The following LRRC15 variants were observed in gnomAD, a reference collection of about 807,000 sequenced individuals.
The protein encoded by LRRC15 is leucine-rich repeat-containing protein 15.
In LRRC15, 5 loss-of-function variants were observed where a neutral mutation model predicts 4.3. That is an observed-to-expected ratio of 1.16 (90% CI 0.61 to 2.44). LRRC15 has a LOEUF of 2.44. LRRC15 is among the 30% of genes most tolerant of loss of function. The pLI, the probability that LRRC15 is intolerant of heterozygous loss-of-function variation, is 0.01. For synonymous variants in LRRC15, 337 were observed against 323.2 expected, an observed-to-expected ratio of 1.04 and a Z score of -0.46; for missense variants, 769 against 747.0, an observed-to-expected ratio of 1.03 and a Z score of -0.34.
Position 194,360,253 on chromosome 3 carries a change from A to G in LRRC15, c.791T>C (p.Val264Ala), listed in dbSNP as rs199840768. 111 of 1,613,768 alleles carry G rather than the reference A, an allele frequency of 6.9e-5. 4 individuals are homozygous for G. The highest frequency in any genetic ancestry group is 5.5e-4 in the South Asian group (50 of 91,072). The change falls in exon 2 of 2, where the codon GTC becomes GCC. Residue 264 changes from valine (V) to alanine (A), a missense_variant. By Grantham distance (64) the Val-to-Ala change is moderately conservative. Transcript: ENST00000347624. ...NNHISQLPPS[V>A]FMQLPQLNRL... ...GTTGAGCTGGGGCAGCTGCATGAAG[A>G]CGCTGGGTGGCAGCTGGGAGATGTG...
rs750757157 is a variant in LRRC15, at chr3:194,360,552, G to A, written c.492C>T (p.Ile164=). The A allele has an allele frequency of 9.9e-6, 16 of 1,614,194 alleles. No homozygotes were observed. In the East Asian group the frequency reaches 2.9e-4, roughly 29 times the overall value. Residue 164 remains isoleucine, a synonymous_variant, in exon 2 of 2, where the codon ATC becomes ATT. Transcript: ENST00000347624. ...LQLHGNHLEY[I]PDGAFDHLVG... is the part of the protein sequence containing the mutation. The stretch of plus-strand genomic sequence containing the variant: ...CCAGGTGGTCGAAGGCTCCGTCAGG[G>A]ATGTATTCCAGGTGGTTGCCGTGCA...
chr3:194,360,135 G>A lies in LRRC15; in HGVS notation c.909C>T (p.Asn303=). 1 of 1,614,242 alleles carries A rather than the reference G, an allele frequency of 6.2e-7. No homozygotes were observed. The highest frequency in any genetic ancestry group is 8.5e-7 in the Non-Finnish European group (1 of 1,180,050). ...CATTGTCGGGTAGAGAAGAGATGTG[G>A]TTGTCATAGAGCCAAAGCTCCCGCA... is the stretch of plus-strand genomic sequence containing the variant. ...PNLRELWLYD[N]HISSLPDNVF... is the part of the protein sequence containing the mutation. The change falls in exon 2 of 2, where the codon AAC becomes AAT. Residue 303 remains asparagine, a synonymous_variant. Transcript: ENST00000347624.
At chr3:194,369,609 T>C (rs961602933) in intron 1 of LRRC15, 52 bp downstream of exon 1, 3 of 152,280 alleles carry the variant, frequency 2.0e-5, no homozygotes, top group African/African-American at 4.8e-5. Context: ...GGGAAGGGGC[T>C]GGCCGGGCCC....
intron 1 of LRRC15, among the ~76,000 whole-genome samples, chr3:194,364,960 T>C (rs1015786415): frequency 6.6e-6 from 1 of 152,218 alleles, no homozygotes; most frequent in Non-Finnish European, 1.5e-5. Flanking sequence ...ATTCTCAGCA[T>C]GTGATGCCAG....
chr3:194,360,420 C>T lies in LRRC15; in HGVS notation c.624G>A (p.Arg208=). 6.2e-7 allele frequency: 1 copy of T among 1,614,140 alleles called. No individual in the cohort carries two copies. The highest frequency in any genetic ancestry group is 8.5e-7 in the Non-Finnish European group (1 of 1,180,034). The change falls in exon 2 of 2, where the codon AGG becomes AGA. Residue 208 remains arginine, a synonymous_variant. Transcript: ENST00000347624. The part of the protein sequence containing the change: ...NLQVLRLYEN[R]LTDIPMGTFD... ...AAGTGCCCATGGGGATATCCGTGAG[C>T]CTGTTCTCATACAGCCGGAGGACCT... is the stretch of plus-strand genomic sequence containing the variant.
chr3:194,363,476 G>T, intron 1 of LRRC15: 1 of 604,294 alleles, frequency 1.7e-6, no homozygotes. Flanking sequence ...CAGAAAACAA[G>T]CTGCCTAAAC....
chr3:194,359,193 G>T lies in LRRC15; in HGVS notation c.*105C>A. 1 of 1,088,308 alleles carries T rather than the reference G, an allele frequency of 9.2e-7. No homozygotes were observed. The highest frequency in any genetic ancestry group is 1.3e-6 in the Non-Finnish European group (1 of 761,910). 67.4% of individuals were successfully genotyped at this position (1,088,308 alleles called of 1,614,324 possible). A position where few individuals can be genotyped will look rare whatever the true frequency, so the allele number is the denominator to read the frequency against. ...GCTCACCTTTCTCTGGGGCCAGAAA[G>T]AGCAATCACGGGAAAGCTCCATGGA... On this transcript the variant is annotated 3_prime_UTR_variant, in exon 2 of 2. Coordinates refer to ENST00000347624, the MANE Select transcript of LRRC15 (RefSeq NM_130830.5).
chr3:194,359,213 C>A lies in LRRC15; in HGVS notation c.*85G>T. On this transcript the variant is annotated 3_prime_UTR_variant, in exon 2 of 2. Transcript: ENST00000347624. ...AGAAAGAGCAATCACGGGAAAGCTC[C>A]ATGGACCCAGGGGTGGAGGCAGAAA... 7.6e-7 allele frequency: 1 copy of A among 1,311,330 alleles called. No individual in the cohort carries two copies. The highest frequency in any genetic ancestry group is 1.0e-6 in the Non-Finnish European group (1 of 955,264). 81.2% of individuals were successfully genotyped at this position (1,311,330 alleles called of 1,614,324 possible). A position where few individuals can be genotyped will look rare whatever the true frequency, so the allele number is the denominator to read the frequency against.
At chr3:194,364,331 T>C (rs1270722901) in intron 1 of LRRC15, among the ~76,000 whole-genome samples, 1 of 152,198 alleles carries the variant, frequency 6.6e-6, no homozygotes, top group Admixed American at 6.5e-5. Context: ...AGATATTTAC[T>C]GCCTGGGCTG....
chr3:194,369,727 G>A lies in LRRC15; in HGVS notation c.-70C>T, dbSNP rs913498253. 2 of 152,304 alleles carry A rather than the reference G, an allele frequency of 1.3e-5. No homozygotes were observed. The highest frequency in any genetic ancestry group is 1.3e-4 in the Admixed American group (2 of 15,284). 9.4% of individuals were successfully genotyped at this position (152,304 alleles called of 1,614,324 possible). A position where few individuals can be genotyped will look rare whatever the true frequency, so the allele number is the denominator to read the frequency against. On this transcript the variant is annotated 5_prime_UTR_variant, in exon 1 of 2. Transcript: ENST00000347624. ...GAGAGGAGGACGAGGGACGGCTCAAGGCTGCAGCATGAGTGTGGCTCGCCT... is the reference window on the plus strand; with the variant it reads ...GAGAGGAGGACGAGGGACGGCTCAAAGCTGCAGCATGAGTGTGGCTCGCCT...
chr3:194,364,428 T>C (rs916121360), intron 1 of LRRC15, among the ~76,000 whole-genome samples: 6 of 152,136 alleles, frequency 3.9e-5, no homozygotes, highest in Admixed American at 1.3e-4. Flanking sequence ...CCAGCATGCT[T>C]CAAAACGGTG....
At position 194,355,711 on chromosome 3, in the gene LRRC15, C is replaced by T. The variant is rs556472866; in HGVS notation, c.*3587G>A. The T allele has an allele frequency of 6.6e-6, 1 of 152,190 alleles. No homozygotes were observed. The highest frequency in any genetic ancestry group is 1.5e-5 in the Non-Finnish European group (1 of 68,036). 9.4% of individuals were successfully genotyped at this position (152,190 alleles called of 1,614,324 possible). On this transcript the variant is annotated 3_prime_UTR_variant, in exon 2 of 2. Coordinates refer to ENST00000347624, the MANE Select transcript of LRRC15 (RefSeq NM_130830.5). ...AACATCTGTCGACCAACTCTGGGTC[C>T]CGAGTTATCTCTAGCTGTCTGCTCT...
At chr3:194,365,271 T>TCC (rs1166668366) in intron 1 of LRRC15, among the ~76,000 whole-genome samples, 1 of 152,060 alleles carries the variant, frequency 6.6e-6, no homozygotes, top group African/African-American at 2.4e-5. Flanking sequence ...TCTGATGCAT[T>TCC]CCCTCCCCGT....
At position 194,360,255 on chromosome 3, in the gene LRRC15, G is replaced by C. The variant is rs750589990; in HGVS notation, c.789C>G (p.Ser263Arg). Residue 263 changes from serine to arginine, a missense_variant, in exon 2 of 2, where the codon AGC (serine) becomes AGG (arginine). Transcript: ENST00000347624. ...SNNHISQLPP[S>R]VFMQLPQLNR... ...TGAGCTGGGGCAGCTGCATGAAGAC[G>C]CTGGGTGGCAGCTGGGAGATGTGGT... The C allele has an allele frequency of 8.1e-6, 13 of 1,613,656 alleles. No individual in the cohort carries two copies. Among genetic ancestry groups the C allele is most frequent in the African/African-American group, 1.3e-5 (1 of 74,930 alleles).
intron 1 of LRRC15, among the ~76,000 whole-genome samples, chr3:194,368,236 C>T (rs944673404): frequency 3.9e-5 from 6 of 152,188 alleles, no homozygotes; most frequent in African/African-American, 1.4e-4. Flanking sequence ...TCACAGTCTG[C>T]TTACTGGCAG....
chr3:194,363,990 C>T (rs1019256102), intron 1 of LRRC15, among the ~76,000 whole-genome samples: 5 of 152,046 alleles, frequency 3.3e-5, no homozygotes, highest in South Asian at 2.1e-4. Flanking sequence ...AGAGGTCAAG[C>T]GGGTGCAGAA....
At chr3:194,365,218 G>C (rs888558317) in intron 1 of LRRC15, among the ~76,000 whole-genome samples, 1 of 152,208 alleles carries the variant, frequency 6.6e-6, no homozygotes. Flanking sequence ...TCAGCAAGCC[G>C]AGCAGACAAA....
intron 1 of LRRC15, 40 bp from the exon 2 acceptor site, chr3:194,361,086 T>C: frequency 1.4e-6 from 2 of 1,454,912 alleles, no homozygotes; most frequent in Non-Finnish European, 1.8e-6. Context: ...CAGGGTCCTC[T>C]ACCTGACACT....
At chr3:194,364,163 A>C (rs1713712785) in intron 1 of LRRC15, among the ~76,000 whole-genome samples, 1 of 152,148 alleles carries the variant, frequency 6.6e-6, no homozygotes, top group South Asian at 2.1e-4. Context: ...ACTGGAAGAC[A>C]ACTGGTGTCC....
Sources: gnomAD v4.1 joint callset for allele counts (sites outside exome capture counted in the v4.1 genomes callset) on GRCh38, gnomAD v4.1.1 for gene constraint, MANE v1.5 for transcripts, NCBI Gene and HGNC (gene_info 2026-07-23, HGNC 2026-07-21) for gene names.